The following SLC23A1 variants were observed in gnomAD, a reference collection of about 807,000 sequenced individuals.
The protein encoded by SLC23A1 is Na(+)/L-ascorbic acid transporter 1.
Under a neutral mutation model 62.5 loss-of-function variants are expected in SLC23A1, and 31 were observed. The observed-to-expected ratio is 0.50, with a 90% confidence interval of 0.37 to 0.67. SLC23A1 has a LOEUF of 0.67. SLC23A1 is among the 30% of genes least tolerant of loss of function. SLC23A1 has a pLI of 0.00. For missense variants in SLC23A1, 640 were observed against 782.7 expected (o/e 0.82, Z 2.18); for synonymous variants, 271 against 313.2 (o/e 0.87, Z 1.42).
At chr5:139,381,845 A>G (rs1437980068) in intron 3 of SLC23A1, 47 bp downstream of exon 3, 1 of 1,441,824 alleles carries the variant, frequency 6.9e-7, no homozygotes, top group Non-Finnish European at 9.4e-7. Flanking sequence ...TGTGTGGATC[A>G]CAGTGGAGGG....
rs554481502 is a variant in SLC23A1 at position 139,377,727 on chromosome 5, T to C, written c.1454-230A>G. 3.8e-4 allele frequency among the ~76,000 whole-genome samples: 58 copies of C among 152,332 alleles called. 2 individuals are homozygous for C. The South Asian group carries it at 0.012, about 30-fold the overall frequency. On this transcript the variant is annotated intron_variant, in intron 12 of 14. Transcript: ENST00000348729. ...CTCATCTGTAAAGTTGAAATGATAA[T>C]GGAGAAATGATAAATGTAGATAAAT... is the stretch of plus-strand genomic sequence containing the variant.
chr5:139,381,586 C>A (rs1758258759), intron 3 of SLC23A1, among the ~76,000 whole-genome samples: 1 of 135,082 alleles, frequency 7.4e-6, no homozygotes, highest in African/African-American at 2.9e-5. Context: ...GCAATCCAGC[C>A]TAGGCAACAA....
At chr5:139,372,344 A>G in intron 13 of SLC23A1, 91 bp from the exon 14 acceptor site, 1 of 1,203,064 alleles carries the variant, frequency 8.3e-7, no homozygotes, top group South Asian at 1.4e-5. Flanking sequence ...GACTTCTGGA[A>G]TCAAGTATCT....
chr5:139,384,805 A>T (rs577991972), upstream of SLC23A1: 4 of 937,888 alleles, frequency 4.3e-6, no homozygotes, highest in Non-Finnish European at 5.1e-6. Context: ...GGTCCACGTC[A>T]TGGGTGCCCG....
chr5:139,382,029 A>T lies in SLC23A1; in HGVS notation c.171T>A (p.Ser57Arg). Residue 57 changes from serine (S) to arginine (R), a missense_variant, in exon 3 of 15, where the codon AGT becomes AGA. Coordinates refer to ENST00000348729, the MANE Select transcript of SLC23A1 (RefSeq NM_005847.5). ...GCAGGAAGGGCACGGCGATGGTACC[A>T]CTGAAGCATGTCAGGTAGTGCTGGG... ...LGFQHYLTCF[S>R]GTIAVPFLLA... 6.2e-7 allele frequency: 1 copy of T among 1,609,290 alleles called. No individual in the cohort carries two copies. The highest frequency in any genetic ancestry group is 1.1e-5 in the South Asian group (1 of 89,928).
At chr5:139,382,314 C>T (rs1758311805) in intron 2 of SLC23A1, 178 bp downstream of exon 2, 5 of 603,010 alleles carry the variant, frequency 8.3e-6, no homozygotes, top group South Asian at 4.0e-5. Context: ...TCACACTCCC[C>T]CAGGGAGTTC....
chr5:139,382,639 A>G lies in SLC23A1; in HGVS notation c.37-34T>C. Reference sequence around the variant, plus strand: ...AGCAGAGATAAGTAGCTTAGGGTGAAGTGATGGGGACAGGCAAAATCCATT... The same window carrying G: ...AGCAGAGATAAGTAGCTTAGGGTGAGGTGATGGGGACAGGCAAAATCCATT... On this transcript the variant is annotated intron_variant, in intron 1 of 14. Transcript: ENST00000348729. 2.2e-6 allele frequency: 3 copies of G among 1,350,440 alleles called. No individual in the cohort carries two copies. The East Asian group carries it at 7.0e-5, about 31-fold the overall frequency. The allele number at this position is 1,350,440 out of a possible 1,614,324, so 83.7% of individuals were successfully genotyped here. A position where few individuals can be genotyped will look rare whatever the true frequency, so the allele number is the denominator to read the frequency against.
Position 139,378,202 on chromosome 5 carries a change from G to A in SLC23A1, c.1309+20C>T. 6.2e-7 allele frequency: 1 copy of A among 1,612,952 alleles called. No individual in the cohort carries two copies. The highest frequency in any genetic ancestry group is 8.5e-7 in the Non-Finnish European group (1 of 1,179,474). On this transcript the variant is annotated intron_variant, in intron 11 of 14. Transcript: ENST00000348729. This position sits in a 1 kb window ranked among gnomAD's most constrained non-coding sequence, Gnocchi z 4.5. ...CTCGGCGACCCGCACCGCGACCCGT[G>A]GCCCGCGCCAGACACTCACCAAAGA...
chr5:139,377,268 C>G, intron 13 of SLC23A1, 134 bp downstream of exon 13: 2 of 650,032 alleles, frequency 3.1e-6, no homozygotes, highest in Middle Eastern at 8.1e-4. Flanking sequence ...CTCCACCAGC[C>G]CATCTATTCC....
In SLC23A1 at chr5:139,383,221, T is replaced by C. The variant is rs774037456; in HGVS notation, c.33A>G (p.Thr11=). MRAQEDLEGR[T]QHETTRDPST... is the part of the protein sequence containing the mutation. ...CCCCACCCCCAGCCCCCAGCACCTG[T>C]GTCCGGCCCTCGAGGTCCTCCTGGG... The change falls in exon 1 of 15, where the codon ACA becomes ACG. Residue 11 remains threonine (T), a synonymous_variant. Coordinates refer to ENST00000348729, the MANE Select transcript of SLC23A1 (RefSeq NM_005847.5). 6.5e-6 allele frequency: 7 copies of C among 1,076,890 alleles called. No homozygotes were observed. The highest frequency in any genetic ancestry group is 3.5e-6 in the Non-Finnish European group (3 of 846,280). 66.7% of individuals were successfully genotyped at this position (1,076,890 alleles called of 1,614,324 possible).
chr5:139,380,436 C>T (rs371785768), intron 5 of SLC23A1, 47 bp from the exon 6 acceptor site: 70 of 1,610,226 alleles, frequency 4.3e-5, no homozygotes, highest in Non-Finnish European at 5.6e-5. Context: ...AAGGTCATGA[C>T]CTGGCTGCTG....
At chr5:139,375,565 T>C (rs1757906542) in intron 13 of SLC23A1, among the ~76,000 whole-genome samples, 1 of 152,126 alleles carries the variant, frequency 6.6e-6, no homozygotes, top group South Asian at 2.1e-4. Context: ...CTAGGTGTGG[T>C]GGCTCACGCC....
chr5:139,377,262 A>C, intron 13 of SLC23A1, 140 bp downstream of exon 13: 2 of 645,882 alleles, frequency 3.1e-6, no homozygotes, highest in East Asian at 2.7e-5. Flanking sequence ...TGAGCACTCC[A>C]CCAGCCCATC....
upstream of SLC23A1, among the ~76,000 whole-genome samples, chr5:139,383,811 G>C (rs373300998): frequency 1.3e-5 from 2 of 152,222 alleles, no homozygotes; most frequent in East Asian, 3.8e-4. Flanking sequence ...GATGTGATTT[G>C]ACCCAAGCCA....
intron 13 of SLC23A1, 43 bp downstream of exon 13, chr5:139,377,359 G>A (rs1757996463): frequency 1.9e-6 from 2 of 1,077,390 alleles, no homozygotes; most frequent in Non-Finnish European, 2.9e-6. Flanking sequence ...GAGTGCATGA[G>A]TCCAGCCTAG....
rs952207839 is a variant in SLC23A1, at chr5:139,381,391, C to T, written c.308+501G>A. 1.5e-4 allele frequency among the ~76,000 whole-genome samples: 22 copies of T among 151,664 alleles called. 1 individual carries two copies. Among genetic ancestry groups the T allele is most frequent in the South Asian group, 2.1e-4 (1 of 4,814 alleles). On this transcript the variant is annotated intron_variant, in intron 3 of 14. Coordinates refer to ENST00000348729, the MANE Select transcript of SLC23A1 (RefSeq NM_005847.5). ...AGAGCCGGCTAGGCTTGGTGGCTCA[C>T]GCCTGTAATCCCAGCACTTTGGGAG... is the stretch of plus-strand genomic sequence containing the variant.
Position 139,379,678 on chromosome 5 carries a change from AG to A in SLC23A1, c.924del (p.Cys309ValfsTer8). On this transcript the variant is annotated frameshift_variant and splice_region_variant, in exon 8 of 15. Coordinates refer to ENST00000348729, the MANE Select transcript of SLC23A1 (RefSeq NM_005847.5). LOFTEE classifies it high-confidence loss of function. The surrounding 1 kb of genome is among the most constrained non-coding windows in gnomAD (Gnocchi z 4.7). ...AIAPWIRIPY[P>X]CQWGLPTVTA... is the part of the protein sequence containing the mutation. ...GAGGGGCCCAAGGGGTGTTGCTCAC[AG>A]GGGTAGGGGATGCGGATCCAGGGTG... The A allele has an allele frequency of 1.9e-6, 3 of 1,610,836 alleles. No individual in the cohort carries two copies. The highest frequency in any genetic ancestry group is 2.5e-6 in the Non-Finnish European group (3 of 1,178,272).
At chr5:139,375,038 G>A (rs559792759) in intron 13 of SLC23A1, among the ~76,000 whole-genome samples, 1 of 152,230 alleles carries the variant, frequency 6.6e-6, no homozygotes, top group East Asian at 1.9e-4. Flanking sequence ...GGGAACCCTG[G>A]CCCTCCTCTG....
At position 139,382,590 on chromosome 5, in the gene SLC23A1, C is replaced by T. The variant is rs1285751811; in HGVS notation, c.52G>A (p.Asp18Asn). ...TCTGTGGGTAGCGGGGTCGAGGGGTCCCTGGTGGTTTCATGCTGGAGGCAG... is the reference window on the plus strand; with the variant it reads ...TCTGTGGGTAGCGGGGTCGAGGGGTTCCTGGTGGTTTCATGCTGGAGGCAG... ...EGRTQHETTR[D>N]PSTPLPTEPK... is the part of the protein sequence containing the mutation. Residue 18 changes from aspartate to asparagine, a missense_variant, in exon 2 of 15, where the codon GAC becomes AAC. Coordinates refer to ENST00000348729, the MANE Select transcript of SLC23A1 (RefSeq NM_005847.5). The T allele has an allele frequency of 8.1e-6, 13 of 1,611,820 alleles. No individual in the cohort carries two copies. The highest frequency in any genetic ancestry group is 1.1e-5 in the Non-Finnish European group (13 of 1,178,544).
Sources: allele counts gnomAD v4.1 joint callset (sites outside exome capture counted in the v4.1 genomes callset), GRCh38; gene constraint gnomAD v4.1.1; non-coding constraint Gnocchi (gnomAD v3.1); transcripts MANE v1.5; gene names NCBI Gene and HGNC (gene_info 2026-07-23, HGNC 2026-07-21).